CSMD2: variants seen among roughly 807,000 people sequenced by gnomAD.
The protein encoded by CSMD2 is CUB and Sushi multiple domains 2, also known as CUB and sushi domain-containing protein 2.
A neutral mutation model predicts 398.5 loss-of-function variants in CSMD2; 130 were observed. The observed-to-expected ratio is 0.33, with a 90% CI of 0.28 to 0.38. The LOEUF (loss-of-function observed/expected upper bound fraction) is 0.38. CSMD2 is among the 10% of genes least tolerant of loss of function. The pLI, the probability that CSMD2 is intolerant of heterozygous loss-of-function variation, is 1.00. For synonymous variants in CSMD2, 1,828 were observed against 1,908.5 expected (o/e 0.96, Z 1.10); for missense variants, 3,829 against 4,764.9 (o/e 0.80, Z 5.78).
chr1:33,827,838 G>A (rs2125022178), intron 6 of CSMD2, among the ~76,000 whole-genome samples: 1 of 152,302 alleles, frequency 6.6e-6, no homozygotes, highest in East Asian at 1.9e-4. Context: ...CTGAGCCTCA[G>A]CCTCTTTTCT....
At chr1:33,610,170 T>C (rs1205272667) in intron 41 of CSMD2, among the ~76,000 whole-genome samples, 1 of 152,170 alleles carries the variant, frequency 6.6e-6, no homozygotes, top group African/African-American at 2.4e-5. Context: ...TATGGTATTT[T>C]GTTACAGCAG....
At chr1:33,965,392 A>T (rs950216726) in intron 3 of CSMD2, among the ~76,000 whole-genome samples, 1 of 152,240 alleles carries the variant, frequency 6.6e-6, no homozygotes, top group African/African-American at 2.4e-5. Flanking sequence ...ACTTAGTGCC[A>T]TAAACACACA....
chr1:33,645,312 T>C (rs886672753), intron 29 of CSMD2, among the ~76,000 whole-genome samples: 1 of 149,628 alleles, frequency 6.7e-6, no homozygotes, highest in Non-Finnish European at 1.5e-5. Flanking sequence ...TCCCAGAGCA[T>C]CTGTAGAGTG....
At chr1:33,571,783 T>C in intron 50 of CSMD2, 57 bp from the exon 51 acceptor site, 1 of 1,300,932 alleles carries the variant, frequency 7.7e-7, no homozygotes, top group Non-Finnish European at 1.0e-6. Context: ...CTGGAAGACC[T>C]TGTAAGAGCC....
At chr1:34,051,301 C>G (rs1245641125) in intron 2 of CSMD2, among the ~76,000 whole-genome samples, 1 of 152,058 alleles carries the variant, frequency 6.6e-6, no homozygotes, top group Non-Finnish European at 1.5e-5. Context: ...TTGCTGAAGA[C>G]AAAGGGAATA....
chr1:33,996,550 A>G (rs1646732087), intron 3 of CSMD2, among the ~76,000 whole-genome samples: 2 of 152,210 alleles, frequency 1.3e-5, no homozygotes, highest in Non-Finnish European at 2.9e-5. Flanking sequence ...AAGGAGACCC[A>G]GGAGCTTGCA....
At chr1:33,671,597 C>T (rs1398304993) in intron 25 of CSMD2, among the ~76,000 whole-genome samples, 3 of 152,152 alleles carry the variant, frequency 2.0e-5, no homozygotes, top group Admixed American at 2.0e-4. Flanking sequence ...CACGCCCCCA[C>T]CAACCAATAG....
At chr1:33,622,549 T>C (rs1186547575) in intron 36 of CSMD2, among the ~76,000 whole-genome samples, 1 of 152,180 alleles carries the variant, frequency 6.6e-6, no homozygotes, top group Non-Finnish European at 1.5e-5. Flanking sequence ...GGTCTCCTCA[T>C]AGCCATCTTC....
chr1:33,572,650 C>A lies in CSMD2; in HGVS notation c.7618G>T (p.Val2540Leu), dbSNP rs1164789288. The change falls in exon 50 of 71, where the codon GTG (valine) becomes TTG (leucine). Residue 2540 changes from valine to leucine, a missense_variant. Transcript: ENST00000373381. ...CCCACTGTGTACTCCTTGCCAAACA[C>A]CATTCCATTCTTGGGGGCCTCAGGA... ...GLPEAPKNGMVFGKEYTVGTK... is the reference protein window; with the variant it reads ...GLPEAPKNGMLFGKEYTVGTK... 6.2e-7 allele frequency: 1 copy of A among 1,613,630 alleles called. No individual in the cohort carries two copies. Among genetic ancestry groups the A allele is most frequent in the Non-Finnish European group, 8.5e-7 (1 of 1,179,656 alleles).
intron 12 of CSMD2, among the ~76,000 whole-genome samples, chr1:33,780,757 A>G (rs891098455): frequency 6.6e-6 from 1 of 152,202 alleles, no homozygotes; most frequent in South Asian, 2.1e-4. Flanking sequence ...TGCTGCTTGT[A>G]TCTAGCTCAA....
chr1:33,871,949 C>T (rs1640502018), intron 5 of CSMD2, among the ~76,000 whole-genome samples: 1 of 152,188 alleles, frequency 6.6e-6, no homozygotes, highest in Non-Finnish European at 1.5e-5. Context: ...CTTGTGATAA[C>T]CCATTAATCC....
chr1:33,799,568 T>C (rs1373701506), intron 10 of CSMD2, among the ~76,000 whole-genome samples: 3 of 152,246 alleles, frequency 2.0e-5, no homozygotes, highest in Non-Finnish European at 4.4e-5. Flanking sequence ...TGGCAATGTA[T>C]GTATCTTGCC....
chr1:33,887,698 C>T (rs1012416155), intron 5 of CSMD2, among the ~76,000 whole-genome samples: 2 of 152,034 alleles, frequency 1.3e-5, no homozygotes, highest in African/African-American at 4.8e-5. Flanking sequence ...CTTTAAGTCC[C>T]TCTTATTCAG....
chr1:33,895,230 T>G (rs1357475571), intron 5 of CSMD2, among the ~76,000 whole-genome samples: 1 of 152,014 alleles, frequency 6.6e-6, no homozygotes, highest in Non-Finnish European at 1.5e-5. Context: ...CTCAGAGAGG[T>G]TAAATAGCTT....
chr1:33,752,528 C>T (rs753078293), intron 13 of CSMD2, among the ~76,000 whole-genome samples: 4 of 152,192 alleles, frequency 2.6e-5, no homozygotes. Context: ...AATCAAACCT[C>T]TTTTCTTTAT....
At chr1:33,543,380 T>C (rs1287572055) in intron 57 of CSMD2, among the ~76,000 whole-genome samples, 4 of 152,256 alleles carry the variant, frequency 2.6e-5, no homozygotes, top group Non-Finnish European at 5.9e-5. Context: ...AACTTCACAC[T>C]TTCTGGATTT....
At chr1:33,876,534 G>A (rs112007049) in intron 5 of CSMD2, among the ~76,000 whole-genome samples, 11 of 152,334 alleles carry the variant, frequency 7.2e-5, no homozygotes, top group African/African-American at 2.6e-4. Context: ...GCCAGGCACT[G>A]TTCTAAGTCC....
intron 10 of CSMD2, among the ~76,000 whole-genome samples, chr1:33,798,418 G>A (rs1203720089): frequency 6.6e-6 from 1 of 152,202 alleles, no homozygotes; most frequent in Admixed American, 6.5e-5. Context: ...CCCAGGACAT[G>A]GTGCTGATGG....
At chr1:34,114,362 TAA>T (rs369547852) in intron 1 of CSMD2, among the ~76,000 whole-genome samples, 1 of 139,602 alleles carries the variant, frequency 7.2e-6, no homozygotes, top group African/African-American at 2.6e-5. Context: ...AAAGCACACT[TAA>T]AAAAAAAAAA....
Sources: allele counts gnomAD v4.1 joint callset (sites outside exome capture counted in the v4.1 genomes callset), GRCh38; gene constraint gnomAD v4.1.1; transcripts MANE v1.5; gene names NCBI Gene and HGNC (gene_info 2026-07-23, HGNC 2026-07-21).